Variants in LINGO2 observed in about 807,000 individuals in gnomAD.
LINGO2 encodes leucine-rich repeat and immunoglobulin-like domain-containing nogo receptor-interacting protein 2.
Under a neutral mutation model 30.6 loss-of-function variants are expected in LINGO2, and 14 were observed. The observed-to-expected ratio is 0.46, with a 90% CI of 0.30 to 0.72. The LOEUF is 0.72. Among genes scored for constraint, LINGO2 ranks in the 30% least tolerant of loss-of-function variants. The pLI, the probability that LINGO2 is intolerant of heterozygous loss-of-function variation, is 0.07. For synonymous variants in LINGO2, 317 were observed against 288.5 expected, an observed-to-expected ratio of 1.10 and a Z score of -1.00; for missense variants, 729 against 751.7, an observed-to-expected ratio of 0.97 and a Z score of 0.35.
Position 28,149,172 on chromosome 9 carries a change from TAAGAG to T in LINGO2, c.-86-136772_-86-136768del, listed in dbSNP as rs920366603. On this transcript the variant is annotated intron_variant, in intron 4 of 5. Coordinates refer to ENST00000379992, the Ensembl canonical transcript of LINGO2. ...AGTAGAACATCAAAATTCAGGAGAG[TAAGAG>T]AGCTGCTTAGGAGGAGAAAGAAGAG... 12 of 1,347,886 alleles carry T rather than the reference TAAGAG, an allele frequency of 8.9e-6. No homozygotes were observed. In the African/African-American group the frequency reaches 1.6e-4, roughly 18 times the overall value. The allele number at this position is 1,347,886 out of a possible 1,614,324, so 83.5% of individuals were successfully genotyped here. A position where few individuals can be genotyped will look rare whatever the true frequency, so the allele number is the denominator to read the frequency against.
the LINGO2 span, among the ~76,000 whole-genome samples, chr9:28,685,949 A>G: frequency 6.6e-6 from 1 of 150,610 alleles, no homozygotes; most frequent in South Asian, 2.1e-4. Flanking sequence ...GTGTGGGTGC[A>G]TGATTTCTTT....
At chr9:29,162,626 C>T in the LINGO2 span, among the ~76,000 whole-genome samples, 1 of 152,070 alleles carries the variant, frequency 6.6e-6, no homozygotes. Context: ...AGTCATTAAA[C>T]ATTCTTCCAG....
chr9:28,776,431 T>C, the LINGO2 span, among the ~76,000 whole-genome samples: 27 of 152,332 alleles, frequency 1.8e-4, no homozygotes, highest in African/African-American at 6.3e-4. Context: ...TCCTTTAGAA[T>C]TATGCAAAAA....
intron 3 of LINGO2, among the ~76,000 whole-genome samples, chr9:28,311,306 T>C (rs1199266048): frequency 6.6e-6 from 1 of 152,088 alleles, no homozygotes; most frequent in East Asian, 1.9e-4. Context: ...AAAATTAAAA[T>C]TGCTAATGAA....
At chr9:29,149,848 G>A in the LINGO2 span, among the ~76,000 whole-genome samples, 3 of 152,212 alleles carry the variant, frequency 2.0e-5, no homozygotes, top group African/African-American at 4.8e-5. Flanking sequence ...TGAGCTGGCC[G>A]CAGGGCCAAC....
At chr9:27,996,060 G>C (rs1040813292) in intron 5 of LINGO2, among the ~76,000 whole-genome samples, 2 of 151,884 alleles carry the variant, frequency 1.3e-5, no homozygotes, top group African/African-American at 4.8e-5. Context: ...TACTCATCTG[G>C]GAAATACAAA....
chr9:28,157,274 A>G (rs1828158493), intron 4 of LINGO2, among the ~76,000 whole-genome samples: 1 of 152,188 alleles, frequency 6.6e-6, no homozygotes, highest in African/African-American at 2.4e-5. Flanking sequence ...GCTCAACACC[A>G]TGTGGAAGCT....
intron 2 of LINGO2, among the ~76,000 whole-genome samples, chr9:28,410,457 A>G (rs1822716122): frequency 6.6e-6 from 1 of 152,146 alleles, no homozygotes; most frequent in Admixed American, 6.6e-5. Flanking sequence ...CCCCTAAACC[A>G]GCTGAAAGGC....
chr9:28,105,914 G>A (rs1403179067), intron 4 of LINGO2, among the ~76,000 whole-genome samples: 1 of 151,952 alleles, frequency 6.6e-6, no homozygotes, highest in Non-Finnish European at 1.5e-5. Flanking sequence ...TTAAATCAGG[G>A]GTCCCCAGTA....
At chr9:28,977,574 C>T in the LINGO2 span, among the ~76,000 whole-genome samples, 98,918 of 151,932 alleles carry the variant, frequency 0.65, 32,797 homozygotes, top group Non-Finnish European at 0.72. Flanking sequence ...AGTTTTGCTG[C>T]ATTGCCCTGA....
At chr9:28,659,151 C>G (rs1278806058) in intron 1 of LINGO2, among the ~76,000 whole-genome samples, 3 of 151,976 alleles carry the variant, frequency 2.0e-5, no homozygotes, top group African/African-American at 7.2e-5. Flanking sequence ...AAATATAGCA[C>G]TGACACTAAC....
rs1821323272 is a variant in LINGO2, at chr9:28,380,801, C to T, written c.-278-7933G>A. 2.6e-5 allele frequency among the ~76,000 whole-genome samples: 4 copies of T among 151,940 alleles called. No homozygotes were observed. In the South Asian group the frequency reaches 6.2e-4, roughly 24 times the overall value. ...GAATATAGAACAGCTGCAGTCTAGG[C>T]TTAAAATAAGAACATGGAACACTAA... On this transcript the variant is annotated intron_variant, in intron 2 of 5. Coordinates refer to ENST00000379992, the Ensembl canonical transcript of LINGO2.
intron 1 of LINGO2, among the ~76,000 whole-genome samples, chr9:28,493,951 T>A (rs1819479244): frequency 6.6e-6 from 1 of 152,142 alleles, no homozygotes; most frequent in African/African-American, 2.4e-5. Flanking sequence ...CTCCTCAGCT[T>A]GCAGATGGCC....
At chr9:28,768,613 GACACACACACACACACACACACAC>G in the LINGO2 span, among the ~76,000 whole-genome samples, 7 of 144,410 alleles carry the variant, frequency 4.8e-5, no homozygotes. Flanking sequence ...GACAGACTGG[GACACACACACACACACACACACAC>G]ACACACACAC....
rs566899479 is a variant in LINGO2 at position 28,532,926 on chromosome 9, T to C, written c.-364-56901A>G. On this transcript the variant is annotated intron_variant, in intron 1 of 5. Transcript: ENST00000379992. ...CTGTCAGTCTTCACAAGGCAATCCT[T>C]TGCACCCTGTTGATGACATACTTGG... Among the ~76,000 whole-genome samples the C allele has an allele frequency of 3.9e-5, 6 of 152,194 alleles. No homozygotes were observed. The South Asian group carries it at 8.3e-4, about 21-fold the overall frequency.
intron 3 of LINGO2, among the ~76,000 whole-genome samples, chr9:28,371,170 G>A (rs1318447867): frequency 6.6e-6 from 1 of 152,132 alleles, no homozygotes; most frequent in East Asian, 1.9e-4. Context: ...TCTCCATAAG[G>A]ACATTGCAGA....
chr9:28,061,602 T>A lies in LINGO2; in HGVS notation c.-86-49197A>T, dbSNP rs183490377. On this transcript the variant is annotated intron_variant, in intron 4 of 5. Coordinates refer to ENST00000379992, the Ensembl canonical transcript of LINGO2. Reference sequence around the variant, plus strand: ...ATGAAATAAAAGGAAAATATGACCATGATGCCCATGCACCATGGGTACAGG... The same window carrying A: ...ATGAAATAAAAGGAAAATATGACCAAGATGCCCATGCACCATGGGTACAGG... 2.6e-3 allele frequency among the ~76,000 whole-genome samples: 393 copies of A among 152,194 alleles called. 1 individual carries two copies. The highest frequency in any genetic ancestry group is 4.8e-3 in the Non-Finnish European group (323 of 67,978).
At position 28,282,411 on chromosome 9, in the gene LINGO2, GT is replaced by G. The variant is rs201436777; in HGVS notation, c.-87+12796del. 3.3e-3 allele frequency among the ~76,000 whole-genome samples: 477 copies of G among 143,312 alleles called. 2 individuals are homozygous for G. Among genetic ancestry groups the G allele is most frequent in the African/African-American group, 9.4e-3 (373 of 39,602 alleles). 94.0% of individuals were successfully genotyped at this position (143,312 alleles called of 152,430 possible). ...GTAGTTTACCATCTCTTTCAGGATA[GT>G]TTTTTTTTTTTTGGAAGTCCTCCAA... On this transcript the variant is annotated intron_variant, in intron 4 of 5. Coordinates refer to ENST00000379992, the Ensembl canonical transcript of LINGO2.
intron 4 of LINGO2, among the ~76,000 whole-genome samples, chr9:28,021,514 G>T (rs1476195232): frequency 1.3e-5 from 2 of 152,072 alleles, no homozygotes; most frequent in Non-Finnish European, 2.9e-5. Context: ...TAAGTTGATT[G>T]GTAGAGCTGT....
Sources: gnomAD v4.1 joint callset for allele counts (sites outside exome capture counted in the v4.1 genomes callset) on GRCh38, gnomAD v4.1.1 for gene constraint, MANE v1.5 for transcripts, NCBI Gene and HGNC (gene_info 2026-07-23, HGNC 2026-07-21) for gene names.